The following PTPRD variants were observed in gnomAD, a reference collection of about 807,000 sequenced individuals.
PTPRD encodes the protein protein tyrosine phosphatase receptor type D.
PTPRD carries 34 observed loss-of-function variants against 214.5 expected under a neutral mutation model. The observed-to-expected ratio is 0.16, with a 90% CI of 0.12 to 0.21. PTPRD has a LOEUF of 0.21. PTPRD is among the 10% of genes least tolerant of loss of function. The pLI, the probability that PTPRD is intolerant of heterozygous loss-of-function variation, is 1.00. For synonymous variants in PTPRD, 1,128 were observed against 845.7 expected, an observed-to-expected ratio of 1.33 and a Z score of -5.79; for missense variants, 2,545 against 2,398.7, an observed-to-expected ratio of 1.06 and a Z score of -1.27.
chr9:10,359,559 T>C (rs2097338401), intron 2 of PTPRD, among the ~76,000 whole-genome samples: 1 of 152,148 alleles, frequency 6.6e-6, no homozygotes, highest in Non-Finnish European at 1.5e-5. Flanking sequence ...GCACAAATTA[T>C]TAATCTCTTT....
intron 7 of PTPRD, among the ~76,000 whole-genome samples, chr9:9,620,172 T>A (rs985848833): frequency 4.6e-5 from 7 of 152,086 alleles, no homozygotes; most frequent in Non-Finnish European, 1.0e-4. Context: ...GTCCTCCACA[T>A]AACAGAAGAT....
intron 5 of PTPRD, among the ~76,000 whole-genome samples, chr9:9,870,856 C>A (rs951657203): frequency 7.9e-5 from 12 of 151,930 alleles, no homozygotes; most frequent in Non-Finnish European, 1.5e-4. Context: ...AATTGTTGAG[C>A]CTGGATGAAG....
intron 3 of PTPRD, among the ~76,000 whole-genome samples, chr9:10,154,972 G>C (rs138150278): frequency 3.3e-5 from 5 of 151,782 alleles, no homozygotes; most frequent in African/African-American, 1.2e-4. Context: ...TGTTTTTCTA[G>C]GTCTGTGAAG....
chr9:8,489,792 A>G (rs2097112214), intron 27 of PTPRD, among the ~76,000 whole-genome samples: 1 of 152,246 alleles, frequency 6.6e-6, no homozygotes, highest in African/African-American at 2.4e-5. Flanking sequence ...CCCAAACTCC[A>G]CAGATTGGCA....
At chr9:8,886,348 C>A (rs1377097791) in intron 11 of PTPRD, among the ~76,000 whole-genome samples, 2 of 152,060 alleles carry the variant, frequency 1.3e-5, no homozygotes, top group Non-Finnish European at 2.9e-5. Context: ...AATGTCTGTG[C>A]ACAGCATGGA....
chr9:9,860,707 A>G (rs2062546984), intron 5 of PTPRD, among the ~76,000 whole-genome samples: 1 of 152,206 alleles, frequency 6.6e-6, no homozygotes, highest in East Asian at 1.9e-4. Context: ...CATTTTATAA[A>G]TATATACATG....
At chr9:9,204,585 G>A (rs999755369) in intron 9 of PTPRD, among the ~76,000 whole-genome samples, 1 of 152,040 alleles carries the variant, frequency 6.6e-6, no homozygotes, top group Non-Finnish European at 1.5e-5. Flanking sequence ...CTTAATTTTG[G>A]AAGGCTCACA....
intron 8 of PTPRD, among the ~76,000 whole-genome samples, chr9:9,497,339 A>G (rs2096239838): frequency 6.6e-6 from 1 of 152,176 alleles, no homozygotes; most frequent in Non-Finnish European, 1.5e-5. Flanking sequence ...CTACAGTCCA[A>G]TCTATCAAAT....
chr9:10,221,214 G>A (rs976472541), intron 3 of PTPRD, among the ~76,000 whole-genome samples: 9 of 152,048 alleles, frequency 5.9e-5, no homozygotes, highest in Middle Eastern at 3.4e-3. Context: ...GTCTCCAGTC[G>A]TTGGTGTGCA....
intron 9 of PTPRD, among the ~76,000 whole-genome samples, chr9:9,392,209 C>T (rs1164799256): frequency 1.3e-5 from 2 of 152,132 alleles, no homozygotes; most frequent in Non-Finnish European, 2.9e-5. Context: ...AATCTGGGCA[C>T]ATTGATGACC....
At chr9:10,402,064 C>G (rs1203094198) in intron 2 of PTPRD, among the ~76,000 whole-genome samples, 1 of 151,206 alleles carries the variant, frequency 6.6e-6, no homozygotes, top group Non-Finnish European at 1.5e-5. Flanking sequence ...AGTAAAATGA[C>G]TGTGGTTTTG....
At chr9:9,315,922 T>C (rs1464628954) in intron 9 of PTPRD, among the ~76,000 whole-genome samples, 2 of 149,634 alleles carry the variant, frequency 1.3e-5, no homozygotes, top group Admixed American at 1.3e-4. Flanking sequence ...TTCTTGCGAA[T>C]TTTCTCAATA....
chr9:9,701,011 A>G (rs952162383), intron 7 of PTPRD, among the ~76,000 whole-genome samples: 8 of 152,000 alleles, frequency 5.3e-5, no homozygotes, highest in Admixed American at 2.0e-4. Flanking sequence ...GAAGTCAGAA[A>G]AGCTTTCTAA....
chr9:9,270,243 A>G (rs894576662), intron 9 of PTPRD, among the ~76,000 whole-genome samples: 3 of 151,372 alleles, frequency 2.0e-5, no homozygotes, highest in Non-Finnish European at 4.4e-5. Context: ...AAGCTAGGGG[A>G]AAATATTAAA....
intron 5 of PTPRD, among the ~76,000 whole-genome samples, chr9:9,920,935 T>C (rs2082376320): frequency 6.6e-6 from 1 of 152,118 alleles, no homozygotes; most frequent in Admixed American, 6.6e-5. Flanking sequence ...TAATCTAGTT[T>C]AACTGATACT....
chr9:10,195,595 G>A (rs2099394787), intron 3 of PTPRD, among the ~76,000 whole-genome samples: 1 of 152,088 alleles, frequency 6.6e-6, no homozygotes, highest in Admixed American at 6.6e-5. Flanking sequence ...GTGATCCCAG[G>A]TCAACTTTAG....
intron 9 of PTPRD, among the ~76,000 whole-genome samples, chr9:9,334,080 G>GTA (rs2043451058): frequency 6.6e-6 from 1 of 151,884 alleles, no homozygotes; most frequent in African/African-American, 2.4e-5. Flanking sequence ...ATGCCTAAGT[G>GTA]TATATGCCCG....
chr9:9,823,802 G>A (rs2051652147), intron 5 of PTPRD, among the ~76,000 whole-genome samples: 2 of 151,960 alleles, frequency 1.3e-5, no homozygotes, highest in African/African-American at 2.4e-5. Flanking sequence ...GTGTTCAGTA[G>A]CACAATAGGA....
chr9:8,584,578 T>C (rs2093478757), intron 14 of PTPRD, among the ~76,000 whole-genome samples: 1 of 152,216 alleles, frequency 6.6e-6, no homozygotes, highest in Non-Finnish European at 1.5e-5. Context: ...AGGAAATCTA[T>C]CATTCATGCA....
Sources: allele counts gnomAD v4.1 joint callset (sites outside exome capture counted in the v4.1 genomes callset), GRCh38; gene constraint gnomAD v4.1.1; transcripts MANE v1.5; gene names NCBI Gene and HGNC (gene_info 2026-07-23, HGNC 2026-07-21).